NAA16: variants seen among roughly 807,000 people sequenced by gnomAD.
NAA16 encodes the protein NARG1-like protein.
Under a neutral mutation model 110.3 loss-of-function variants are expected in NAA16, and 97 were observed. That is an observed-to-expected ratio of 0.88 (90% CI 0.75 to 1.04). The LOEUF is 1.04. Ranked by LOEUF, NAA16 falls within the 50% of genes least tolerant of loss-of-function variation. NAA16 has a pLI of 0.00. For synonymous variants in NAA16, 372 were observed against 330.6 expected (o/e 1.13, Z -1.36); for missense variants, 1,017 against 1,005.1 (o/e 1.01, Z -0.16).
chr13:41,373,163 A>G, intron 17 of NAA16: 2 of 928,284 alleles, frequency 2.2e-6, no homozygotes, highest in Non-Finnish European at 2.6e-6. Context: ...AAATTAGTGC[A>G]TTTTTAGGCT....
intron 9 of NAA16, among the ~76,000 whole-genome samples, chr13:41,337,729 T>C (rs546126669): frequency 6.6e-6 from 1 of 152,316 alleles, no homozygotes. Context: ...AGGAAAAGAT[T>C]TTATTAGAAA....
intron 9 of NAA16, among the ~76,000 whole-genome samples, chr13:41,339,549 G>T (rs768995936): frequency 1.3e-5 from 2 of 151,978 alleles, no homozygotes; most frequent in African/African-American, 4.8e-5. Flanking sequence ...ACTTTTTTTT[G>T]TTTGTTTGTT....
intron 2 of NAA16, 110 bp downstream of exon 2, chr13:41,317,040 G>A (rs1202975833): frequency 1.4e-6 from 1 of 733,642 alleles, no homozygotes; most frequent in Non-Finnish European, 2.4e-6. Flanking sequence ...TTCTCTATTA[G>A]AGTGCATAAA....
intron 15 of NAA16, among the ~76,000 whole-genome samples, chr13:41,371,999 A>G (rs2139518546): frequency 6.6e-6 from 1 of 152,184 alleles, no homozygotes; most frequent in East Asian, 1.9e-4. Flanking sequence ...TTTTGTAACC[A>G]GAAAAAAAGC....
In NAA16 at chr13:41,375,583, T is replaced by C; in HGVS notation, c.2576T>C (p.Val859Ala). 1 of 1,612,410 alleles carries C rather than the reference T, an allele frequency of 6.2e-7. No individual in the cohort carries two copies. The highest frequency in any genetic ancestry group is 8.5e-7 in the Non-Finnish European group (1 of 1,178,896). ...CTGAACCATACAGCTAATTATGATG[T>C]CTTGGCAAATGAAATTTGAAATCTT... ...VALNHTANYD[V>A]LANEI Residue 859 changes from valine (V) to alanine (A), a missense_variant, in exon 20 of 20, where the codon GTC (valine) becomes GCC (alanine). Transcript: ENST00000379406.
At chr13:41,341,624 G>A (rs1440511587) in intron 9 of NAA16, among the ~76,000 whole-genome samples, 1 of 152,124 alleles carries the variant, frequency 6.6e-6, no homozygotes, top group Non-Finnish European at 1.5e-5. Flanking sequence ...GGCTGAGGTG[G>A]GAGGATCTCT....
At chr13:41,317,891 C>CT (rs988672091) in intron 2 of NAA16, among the ~76,000 whole-genome samples, 1 of 152,186 alleles carries the variant, frequency 6.6e-6, no homozygotes, top group African/African-American at 2.4e-5. Context: ...CCTAAACCAT[C>CT]TTTTATTAAC....
intron 13 of NAA16, chr13:41,362,581 A>G (rs558955556): frequency 3.5e-6 from 2 of 571,430 alleles, no homozygotes; most frequent in East Asian, 1.4e-4. Flanking sequence ...TTGCTCTCAC[A>G]TTCAGTATTC....
At chr13:41,351,167 AAAT>A (rs1252338955) in intron 9 of NAA16, among the ~76,000 whole-genome samples, 6 of 152,216 alleles carry the variant, frequency 3.9e-5, no homozygotes, top group Non-Finnish European at 7.3e-5. Context: ...AAGTTGGGGA[AAAT>A]AATACGTAAA....
chr13:41,340,414 G>T (rs1336168005), intron 9 of NAA16, among the ~76,000 whole-genome samples: 1 of 151,918 alleles, frequency 6.6e-6, no homozygotes, highest in Non-Finnish European at 1.5e-5. Context: ...TCTTTTAATT[G>T]CGATGTTAAG....
chr13:41,327,884 GAT>G (rs1227262720), intron 6 of NAA16: 1 of 151,810 alleles, frequency 6.6e-6, no homozygotes, highest in African/African-American at 2.4e-5. Flanking sequence ...GAGTTTGAGT[GAT>G]ATATGATATA....
intron 10 of NAA16, among the ~76,000 whole-genome samples, chr13:41,357,059 C>G (rs1445683108): frequency 2.0e-5 from 3 of 152,162 alleles, no homozygotes; most frequent in Non-Finnish European, 2.9e-5. Context: ...GGCTCCACAC[C>G]TGTGATCCCA....
chr13:41,367,645 A>G lies in NAA16; in HGVS notation c.1746A>G (p.Ile582Met), dbSNP rs147225869. 93 of 1,601,256 alleles carry G rather than the reference A, an allele frequency of 5.8e-5. 1 individual carries two copies. The highest frequency in any genetic ancestry group is 5.2e-4 in the East Asian group (23 of 44,600). The change falls in exon 14 of 20, where the codon ATA becomes ATG. Residue 582 changes from isoleucine (I) to methionine (M), a missense_variant. Transcript: ENST00000379406. ...PLTNESKQQE[I>M]NSENLSAKEL... ...CCAATGAAAGCAAACAACAAGAAATAAACTCAGGTAACTGAATAGGAACTT... is the reference window on the plus strand; with the variant it reads ...CCAATGAAAGCAAACAACAAGAAATGAACTCAGGTAACTGAATAGGAACTT...
intron 10 of NAA16, among the ~76,000 whole-genome samples, chr13:41,355,430 T>C (rs189889848): frequency 6.6e-6 from 1 of 152,192 alleles, no homozygotes; most frequent in Non-Finnish European, 1.5e-5. Flanking sequence ...GGTTTTTTTG[T>C]TTGTTTGTTT....
chr13:41,345,252 A>G (rs1189091038), intron 9 of NAA16, among the ~76,000 whole-genome samples: 1 of 152,156 alleles, frequency 6.6e-6, no homozygotes, highest in Non-Finnish European at 1.5e-5. Context: ...TTAAACTTTT[A>G]AGGAACTGTC....
chr13:41,319,635 G>C (rs2041897405), intron 3 of NAA16, among the ~76,000 whole-genome samples: 1 of 152,020 alleles, frequency 6.6e-6, no homozygotes, highest in South Asian at 2.1e-4. Flanking sequence ...TCCCACCTCA[G>C]CCTCCCAGGT....
At chr13:41,340,958 C>T (rs1328415890) in intron 9 of NAA16, among the ~76,000 whole-genome samples, 1 of 152,138 alleles carries the variant, frequency 6.6e-6, no homozygotes, top group African/African-American at 2.4e-5. Flanking sequence ...TGAGCCACCG[C>T]GCCCAGCTTG....
At position 41,358,437 on chromosome 13, in the gene NAA16, A is replaced by AATAG; in HGVS notation, c.1223_1226dup (p.Glu409AspfsTer16). 3 of 1,613,072 alleles carry AATAG rather than the reference A, an allele frequency of 1.9e-6. No homozygotes were observed. Among genetic ancestry groups the AATAG allele is most frequent in the Non-Finnish European group, 2.5e-6 (3 of 1,179,052 alleles). On this transcript the variant is annotated frameshift_variant, in exon 11 of 20. Transcript: ENST00000379406. LOFTEE classifies it high-confidence loss of function. ...CTGCAATTGCTAGTACTCCAACTCTAATAGAATTATTCTATATGAAAGCAA... is the reference window on the plus strand; with the variant it reads ...CTGCAATTGCTAGTACTCCAACTCTAATAGATAGAATTATTCTATATGAAAGCAA...
intron 12 of NAA16, among the ~76,000 whole-genome samples, chr13:41,361,358 C>G (rs899904954): frequency 2.0e-5 from 3 of 152,202 alleles, no homozygotes; most frequent in African/African-American, 7.2e-5. Flanking sequence ...AACCAAAAAA[C>G]AGGCCTGCAG....
Sources: gnomAD v4.1 joint callset for allele counts (sites outside exome capture counted in the v4.1 genomes callset) on GRCh38, gnomAD v4.1.1 for gene constraint, MANE v1.5 for transcripts, NCBI Gene and HGNC (gene_info 2026-07-23, HGNC 2026-07-21) for gene names.